The following GLRA2 variants were observed in gnomAD, a reference collection of about 807,000 sequenced individuals.
The protein encoded by GLRA2 is glycine receptor alpha 2.
A neutral mutation model predicts 31.6 loss-of-function variants in GLRA2; 11 were observed. The ratio of observed to expected loss-of-function variants is 0.35; its 90% CI spans 0.22 to 0.58. The LOEUF is 0.58. Ranked by LOEUF, GLRA2 falls within the 20% of genes least tolerant of loss-of-function variation. GLRA2 has a pLI of 0.84. For missense variants in GLRA2, 212 were observed against 351.8 expected (o/e 0.60, Z 3.18); for synonymous variants, 132 against 134.0 (o/e 0.99, Z 0.10).
intron 8 of GLRA2, among the ~76,000 whole-genome samples, chrX:14,713,835 G>T: frequency 9.0e-6 from 1 of 111,167 alleles, no homozygotes; most frequent in Non-Finnish European, 1.9e-5. Context: ...CTTATGAGGA[G>T]AACCACTGGA....
chrX:14,497,304 T>C, the GLRA2 span, among the ~76,000 whole-genome samples: 1 of 112,084 alleles, frequency 8.9e-6, no homozygotes, highest in East Asian at 2.8e-4. Context: ...TAAGCTTTCA[T>C]GATGATTTCA....
chrX:14,656,341 G>A (rs1474135646), intron 7 of GLRA2, among the ~76,000 whole-genome samples: 1 of 112,384 alleles, frequency 8.9e-6, no homozygotes, highest in Non-Finnish European at 1.9e-5. Context: ...TGAAATTTGT[G>A]CCCTTTTAGC....
At chrX:14,452,078 G>A in the GLRA2 span, among the ~76,000 whole-genome samples, 1 of 112,175 alleles carries the variant, frequency 8.9e-6, no homozygotes, top group Non-Finnish European at 1.9e-5. Flanking sequence ...CTACCTGGAT[G>A]ATGGGAGCAT....
chrX:14,582,232 A>G (rs1444287524), intron 4 of GLRA2, among the ~76,000 whole-genome samples: 1 of 67,025 alleles, frequency 1.5e-5, no homozygotes, highest in African/African-American at 6.5e-5. Context: ...CACCCCCACA[A>G]CAGTCCCCAG....
chrX:14,469,306 A>G, the GLRA2 span, among the ~76,000 whole-genome samples: 1 of 111,469 alleles, frequency 9.0e-6, no homozygotes, highest in Non-Finnish European at 1.9e-5. Context: ...TAGGTCTAAC[A>G]TTTAAGTCTT....
chrX:14,545,928 C>G (rs1048143769), intron 2 of GLRA2, among the ~76,000 whole-genome samples: 2 of 111,370 alleles, frequency 1.8e-5, no homozygotes, highest in African/African-American at 6.5e-5. Flanking sequence ...GACATCATCC[C>G]TGTTTGAAAG....
chrX:14,525,975 T>C (rs2089185990), upstream of GLRA2, among the ~76,000 whole-genome samples: 1 of 112,361 alleles, frequency 8.9e-6, no homozygotes, highest in Admixed American at 9.4e-5. Flanking sequence ...GTACTGTCTC[T>C]GTCCATTGCA....
chrX:14,475,712 A>G, the GLRA2 span, among the ~76,000 whole-genome samples: 1 of 111,694 alleles, frequency 9.0e-6, no homozygotes, highest in Admixed American at 9.6e-5. Flanking sequence ...ACACACACAC[A>G]CATATATGTA....
At chrX:14,534,978 GA>G (rs1409360948) in intron 2 of GLRA2, among the ~76,000 whole-genome samples, 1 of 111,468 alleles carries the variant, frequency 9.0e-6, no homozygotes, top group African/African-American at 3.2e-5. Flanking sequence ...ATAGTCAGTA[GA>G]AATGAAGGGA....
chrX:14,611,662 G>C (rs1455137928), intron 7 of GLRA2, among the ~76,000 whole-genome samples: 2 of 112,153 alleles, frequency 1.8e-5, no homozygotes, highest in African/African-American at 6.5e-5. Flanking sequence ...AGCATGTTTA[G>C]AGTGAATGAG....
chrX:14,596,574 G>A (rs1046551260), intron 4 of GLRA2, among the ~76,000 whole-genome samples: 2 of 110,717 alleles, frequency 1.8e-5, no homozygotes, highest in Admixed American at 9.6e-5. Context: ...TTGAACTCGG[G>A]AGGTGGAGGT....
At chrX:14,695,870 GCCATT>G (rs758787042) in intron 8 of GLRA2, among the ~76,000 whole-genome samples, 1 of 111,098 alleles carries the variant, frequency 9.0e-6, no homozygotes, top group Non-Finnish European at 1.9e-5. Flanking sequence ...GGGTAAAAAA[GCCATT>G]CCTCCAAGAA....
chrX:14,610,166 G>A (rs895309249), intron 7 of GLRA2, among the ~76,000 whole-genome samples: 2 of 111,766 alleles, frequency 1.8e-5, no homozygotes, highest in Admixed American at 9.5e-5. Context: ...ATGCATTTCC[G>A]GAAAATAATG....
At chrX:14,544,749 G>C (rs923582333) in intron 2 of GLRA2, among the ~76,000 whole-genome samples, 2 of 111,403 alleles carry the variant, frequency 1.8e-5, no homozygotes, top group African/African-American at 6.5e-5. Context: ...AAATGTCTTT[G>C]AAATATCACT....
chrX:14,562,284 AG>A (rs2089743453), intron 2 of GLRA2, among the ~76,000 whole-genome samples: 1 of 112,237 alleles, frequency 8.9e-6, no homozygotes, highest in Non-Finnish European at 1.9e-5. Context: ...ATCAAGAAAA[AG>A]GTAACTTCGA....
the GLRA2 span, among the ~76,000 whole-genome samples, chrX:14,474,652 AGCTGGGATGGCTGGGATGGCTGGGATG>A: frequency 0.3 from 21,084 of 70,705 alleles, 2,987 homozygotes; most frequent in Non-Finnish European, 0.33. Context: ...GGATGGCTTC[AGCTGGGATGGCTGGGATGGCTGGGATG>A]GCTGGGATGG....
chrX:14,543,559 A>C (rs1274354602), intron 2 of GLRA2, among the ~76,000 whole-genome samples: 3 of 111,268 alleles, frequency 2.7e-5, no homozygotes, highest in Non-Finnish European at 3.8e-5. Context: ...AGCTATTACA[A>C]TTTTTGCCTT....
Position 14,574,326 on chromosome X carries a change from T to C in GLRA2, c.203-7T>C. ...GTCTATTGCAATATTCTCATTGCAT[T>C]CTGCAGGTCCTCCAGTAAACGTTAC... On this transcript the variant is annotated splice_polypyrimidine_tract_variant and splice_region_variant and intron_variant, in intron 2 of 8. Transcript: ENST00000218075. The C allele has an allele frequency of 8.6e-7, 1 of 1,168,268 alleles. No individual in the cohort carries two copies. Among genetic ancestry groups the C allele is most frequent in the Non-Finnish European group, 1.2e-6 (1 of 855,586 alleles).
chrX:14,560,079 T>G (rs954984067), intron 2 of GLRA2, among the ~76,000 whole-genome samples: 10 of 112,068 alleles, frequency 8.9e-5, no homozygotes, highest in African/African-American at 3.2e-4. Flanking sequence ...TCTTCCTGCT[T>G]CTTCTGTGTG....
Sources: allele counts gnomAD v4.1 joint callset (sites outside exome capture counted in the v4.1 genomes callset), GRCh38; gene constraint gnomAD v4.1.1; transcripts MANE v1.5; gene names NCBI Gene and HGNC (gene_info 2026-07-23, HGNC 2026-07-21).